GYPE: variants seen among roughly 807,000 people sequenced by gnomAD.
The protein encoded by GYPE is glycophorin E (MNS blood group).
In GYPE, 8 loss-of-function variants were observed where a neutral mutation model predicts 11.6. The observed-to-expected ratio is 0.69, with a 90% CI of 0.41 to 1.25. The LOEUF is 1.25. Ranked by LOEUF, GYPE falls within the 50% of genes most tolerant of loss-of-function variation. The pLI, the probability that GYPE is intolerant of heterozygous loss-of-function variation, is 0.01. For synonymous variants in GYPE, 28 were observed against 29.6 expected, an observed-to-expected ratio of 0.94 and a Z score of 0.18; for missense variants, 90 against 92.8, an observed-to-expected ratio of 0.97 and a Z score of 0.12.
At chr4:143,899,645 G>C (rs1744788474) in intron 1 of GYPE, among the ~76,000 whole-genome samples, 1 of 150,310 alleles carries the variant, frequency 6.7e-6, no homozygotes. Flanking sequence ...ATAGAATTGA[G>C]ACTCCAGAAA....
chr4:143,895,786 A>G (rs1174541123), intron 1 of GYPE, among the ~76,000 whole-genome samples: 1 of 151,792 alleles, frequency 6.6e-6, no homozygotes, highest in Non-Finnish European at 1.5e-5. Context: ...CCAAAACAGC[A>G]TGGTACTGGT....
intron 3 of GYPE, chr4:143,875,163 AGAGTCCAGGCT>A: frequency 4.3e-6 from 1 of 235,182 alleles, no homozygotes; most frequent in Non-Finnish European, 8.3e-6. Flanking sequence ...CCACCTAATG[AGAGTCCAGGCT>A]GAAGTCTTCA....
chr4:143,882,464 A>G (rs191326105), intron 1 of GYPE, among the ~76,000 whole-genome samples: 29 of 152,328 alleles, frequency 1.9e-4, no homozygotes, highest in African/African-American at 6.7e-4. Flanking sequence ...TGGACCATCT[A>G]TTGTATTTTT....
At chr4:143,875,717 C>T (rs1743774114) in intron 3 of GYPE, among the ~76,000 whole-genome samples, 1 of 152,056 alleles carries the variant, frequency 6.6e-6, no homozygotes, top group African/African-American at 2.4e-5. Context: ...CATCTGTAAT[C>T]CCAGCACTTT....
chr4:143,903,909 T>C (rs2590029), intron 1 of GYPE, among the ~76,000 whole-genome samples: 7 of 152,310 alleles, frequency 4.6e-5, no homozygotes, highest in South Asian at 4.1e-4. Context: ...CAGTAGAGTA[T>C]GCAGTGTCTA....
intron 3 of GYPE, among the ~76,000 whole-genome samples, chr4:143,875,784 C>A (rs1405745875): frequency 6.6e-6 from 1 of 151,970 alleles, no homozygotes; most frequent in Admixed American, 6.6e-5. Flanking sequence ...GCCTGGCCAA[C>A]ACAGCGAAAC....
chr4:143,878,983 G>A (rs553348046), intron 2 of GYPE, among the ~76,000 whole-genome samples: 2 of 152,252 alleles, frequency 1.3e-5, no homozygotes, highest in East Asian at 3.9e-4. Flanking sequence ...TCCACAAGAA[G>A]CAATGCATTT....
chr4:143,891,415 G>A (rs908189937), intron 1 of GYPE, among the ~76,000 whole-genome samples: 33 of 144,380 alleles, frequency 2.3e-4, no homozygotes, highest in Middle Eastern at 3.6e-3. Flanking sequence ...TGCAAGCTCC[G>A]CCTCCCGGGT....
At chr4:143,904,623 T>A (rs187312655) in intron 1 of GYPE, among the ~76,000 whole-genome samples, 852 of 151,476 alleles carry the variant, frequency 5.6e-3, no homozygotes, top group African/African-American at 0.02. Context: ...TGTATGCTAC[T>A]GTATGCTCAG....
In GYPE at chr4:143,890,470, C is replaced by T. The variant is rs535695732; in HGVS notation, c.38-9961G>A. Among the ~76,000 whole-genome samples the T allele has an allele frequency of 2.6e-5, 4 of 152,288 alleles. No individual in the cohort carries two copies. The South Asian group carries it at 8.3e-4, about 32-fold the overall frequency. On this transcript the variant is annotated intron_variant, in intron 1 of 3. Transcript: ENST00000358615. ...AAAACTTTATCCCAAAGTTCTCACA[C>T]CACTGGTACTTCCTTTCTCTGGTTG...
intron 1 of GYPE, among the ~76,000 whole-genome samples, chr4:143,902,490 A>G (rs997028624): frequency 1.6e-4 from 24 of 152,086 alleles, no homozygotes; most frequent in South Asian, 2.1e-4. Context: ...ATGAAAACAA[A>G]TATTTCCTCT....
In GYPE at chr4:143,878,680, A is replaced by G. The variant is rs551729385; in HGVS notation, c.136+1731T>C. On this transcript the variant is annotated intron_variant, in intron 2 of 3. Transcript: ENST00000358615. The stretch of plus-strand genomic sequence containing the variant: ...ATGGACAAGTTGTCCCCTTTCTCCT[A>G]TAAAGCGAAATTTCAATGTAAGTCC... The G allele has an allele frequency of 5.6e-4, 277 of 492,268 alleles. 2 individuals are homozygous for G. The highest frequency in any genetic ancestry group is 5.1e-3 in the African/African-American group (258 of 50,776). 30.5% of individuals were successfully genotyped at this position (492,268 alleles called of 1,614,324 possible).
intron 1 of GYPE, among the ~76,000 whole-genome samples, chr4:143,890,212 A>T (rs983442762): frequency 6.6e-6 from 1 of 152,136 alleles, no homozygotes; most frequent in Non-Finnish European, 1.5e-5. Context: ...GGAAGAACAG[A>T]TGGTTCTGGT....
chr4:143,881,185 C>T (rs1459940680), intron 1 of GYPE, among the ~76,000 whole-genome samples: 3 of 133,406 alleles, frequency 2.2e-5, no homozygotes, highest in African/African-American at 2.8e-5. Context: ...AACGAGACTC[C>T]GTCTCAAAAA....
At chr4:143,875,789 C>T (rs1174699457) in intron 3 of GYPE, among the ~76,000 whole-genome samples, 4 of 151,842 alleles carry the variant, frequency 2.6e-5, no homozygotes, top group Admixed American at 2.0e-4. Flanking sequence ...GCCAACACAG[C>T]GAAACCCCAT....
intron 1 of GYPE, among the ~76,000 whole-genome samples, chr4:143,898,241 G>A (rs1160146759): frequency 7.9e-5 from 12 of 152,142 alleles, no homozygotes; most frequent in Non-Finnish European, 1.5e-4. Flanking sequence ...ACTGGGCGTG[G>A]TGGTGTGCGC....
intron 3 of GYPE, among the ~76,000 whole-genome samples, chr4:143,875,933 C>T (rs1279101543): frequency 6.6e-6 from 1 of 151,050 alleles, no homozygotes; most frequent in Non-Finnish European, 1.5e-5. Context: ...GAGATTGCGC[C>T]ACTTTGCACT....
intron 3 of GYPE, among the ~76,000 whole-genome samples, chr4:143,876,433 A>C (rs570201111): frequency 4.6e-4 from 70 of 152,326 alleles, no homozygotes; most frequent in African/African-American, 1.7e-3. Context: ...TAATAGGGTA[A>C]ATACTATAAG....
At chr4:143,897,824 G>C (rs1744713595) in intron 1 of GYPE, among the ~76,000 whole-genome samples, 1 of 151,976 alleles carries the variant, frequency 6.6e-6, no homozygotes, top group African/African-American at 2.4e-5. Flanking sequence ...CCACTAAAAT[G>C]GGAATTCTGA....
Sources: gnomAD v4.1 joint callset for allele counts (sites outside exome capture counted in the v4.1 genomes callset) on GRCh38, gnomAD v4.1.1 for gene constraint, MANE v1.5 for transcripts, NCBI Gene and HGNC (gene_info 2026-07-23, HGNC 2026-07-21) for gene names.